LSAMP: variants seen among roughly 807,000 people sequenced by gnomAD.
LSAMP encodes limbic system-associated membrane protein.
In LSAMP, 7 loss-of-function variants were observed where a neutral mutation model predicts 38.6. The ratio of observed to expected loss-of-function variants is 0.18; its 90% CI spans 0.10 to 0.34. The LOEUF (loss-of-function observed/expected upper bound fraction) is 0.34, where lower values mean the gene tolerates loss of function less well. Among genes scored for constraint, LSAMP ranks in the 10% least tolerant of loss-of-function variants. The pLI, the probability that LSAMP is intolerant of heterozygous loss-of-function variation, is 1.00. For synonymous variants in LSAMP, 154 were observed against 166.8 expected, an observed-to-expected ratio of 0.92 and a Z score of 0.59; for missense variants, 313 against 420.0, an observed-to-expected ratio of 0.75 and a Z score of 2.23.
intron 2 of LSAMP, among the ~76,000 whole-genome samples, chr3:116,066,215 A>G (rs1707424090): frequency 6.6e-6 from 1 of 152,166 alleles, no homozygotes; most frequent in South Asian, 2.1e-4. Flanking sequence ...TCTGGGGCCT[A>G]TTTTACAGAG....
intron 1 of LSAMP, among the ~76,000 whole-genome samples, chr3:116,394,308 G>A (rs144250307): frequency 1.3e-5 from 2 of 152,212 alleles, no homozygotes; most frequent in East Asian, 3.9e-4. Context: ...AATGGTTTTT[G>A]ATATAGATAT....
intron 1 of LSAMP, among the ~76,000 whole-genome samples, chr3:116,435,893 C>T (rs987510516): frequency 1.3e-5 from 2 of 151,988 alleles, no homozygotes; most frequent in African/African-American, 4.8e-5. Context: ...AAGAAGGCAG[C>T]AGGTTTAGAA....
At chr3:116,240,040 CATA>C (rs745560463) in intron 1 of LSAMP, among the ~76,000 whole-genome samples, 14 of 152,116 alleles carry the variant, frequency 9.2e-5, no homozygotes, top group Non-Finnish European at 1.8e-4. Flanking sequence ...CACTTAGCAA[CATA>C]ATAATTCTTC....
At chr3:116,412,214 T>C (rs1410773045) in intron 1 of LSAMP, among the ~76,000 whole-genome samples, 2 of 152,056 alleles carry the variant, frequency 1.3e-5, no homozygotes, top group Non-Finnish European at 2.9e-5. Flanking sequence ...ATGATTATTA[T>C]ACCCAATAGC....
chr3:116,035,398 CACTT>C (rs1941024696), intron 2 of LSAMP, among the ~76,000 whole-genome samples: 1 of 152,122 alleles, frequency 6.6e-6, no homozygotes, highest in African/African-American at 2.4e-5. Context: ...AGAAATGTTT[CACTT>C]ACACTGGACA....
intron 3 of LSAMP, among the ~76,000 whole-genome samples, chr3:115,957,421 C>A (rs147630715): frequency 7.2e-5 from 11 of 152,150 alleles, no homozygotes; most frequent in Admixed American, 6.5e-4. Flanking sequence ...AAACTTCATC[C>A]TGACCAGCCT....
intron 1 of LSAMP, among the ~76,000 whole-genome samples, chr3:116,116,053 A>G (rs1388610868): frequency 7.7e-6 from 1 of 130,464 alleles, no homozygotes; most frequent in African/African-American, 3.0e-5. Flanking sequence ...TGTATTTATT[A>G]TTAATTGGAT....
At chr3:116,329,020 T>A (rs1437691668) in intron 1 of LSAMP, among the ~76,000 whole-genome samples, 4 of 152,172 alleles carry the variant, frequency 2.6e-5, no homozygotes, top group Non-Finnish European at 4.4e-5. Context: ...TGTAAAACTT[T>A]ACACAACTCA....
chr3:116,116,029 C>CT (rs1197130574), intron 1 of LSAMP, among the ~76,000 whole-genome samples: 10 of 142,582 alleles, frequency 7.0e-5, no homozygotes, highest in African/African-American at 1.9e-4. Context: ...TTTTTTTTTT[C>CT]TTTTTTTTTC....
At chr3:116,209,174 C>T (rs9990315) in intron 1 of LSAMP, among the ~76,000 whole-genome samples, 76,413 of 151,904 alleles carry the variant, frequency 0.5, 21,527 homozygotes, top group East Asian at 0.74. Flanking sequence ...CAGGTGAGTC[C>T]GTCACCCCTT....
At chr3:116,024,251 C>T (rs1374595648) in intron 2 of LSAMP, among the ~76,000 whole-genome samples, 2 of 152,144 alleles carry the variant, frequency 1.3e-5, no homozygotes, top group Non-Finnish European at 2.9e-5. Flanking sequence ...TCTTACAGAG[C>T]ATGGTGCTTA....
In LSAMP at chr3:116,229,377, T is replaced by A. The variant is rs530741765; in HGVS notation, c.156-142821A>T. Reference sequence around the variant, plus strand: ...TTTAAAAATGTTGATAGGCTAGAGATGAATTTGCTAGTGGATATCATTAAG... The same window carrying A: ...TTTAAAAATGTTGATAGGCTAGAGAAGAATTTGCTAGTGGATATCATTAAG... On this transcript the variant is annotated intron_variant, in intron 1 of 6. Coordinates refer to ENST00000490035, the MANE Select transcript of LSAMP (RefSeq NM_002338.5). Among the ~76,000 whole-genome samples, 4 of 152,276 alleles carry A rather than the reference T, an allele frequency of 2.6e-5. No individual in the cohort carries two copies. The South Asian group carries it at 8.3e-4, about 32-fold the overall frequency.
chr3:115,822,655 C>T (rs765353780), intron 6 of LSAMP, among the ~76,000 whole-genome samples: 16 of 152,136 alleles, frequency 1.1e-4, no homozygotes, highest in South Asian at 2.1e-4. Context: ...CCACTGCCCC[C>T]GGCCTTCCTA....
At chr3:116,307,939 A>T (rs2047504816) in intron 1 of LSAMP, among the ~76,000 whole-genome samples, 1 of 151,854 alleles carries the variant, frequency 6.6e-6, no homozygotes, top group East Asian at 1.9e-4. Flanking sequence ...CTGAGCCTCA[A>T]TTTCCCTATT....
At chr3:115,894,338 C>A (rs1936676256) in intron 3 of LSAMP, among the ~76,000 whole-genome samples, 1 of 151,972 alleles carries the variant, frequency 6.6e-6, no homozygotes, top group African/African-American at 2.4e-5. Context: ...TATTTACATG[C>A]AACACCTAAA....
chr3:116,290,789 A>C (rs2047257190), intron 1 of LSAMP, among the ~76,000 whole-genome samples: 1 of 150,558 alleles, frequency 6.6e-6, no homozygotes, highest in Admixed American at 6.6e-5. Context: ...AAACTTTCCT[A>C]GTTGATCTTT....
chr3:116,378,396 T>C (rs2048518344), intron 1 of LSAMP, among the ~76,000 whole-genome samples: 1 of 152,068 alleles, frequency 6.6e-6, no homozygotes, highest in African/African-American at 2.4e-5. Flanking sequence ...CCTACTCGCC[T>C]GAGGGGCAGT....
At chr3:116,326,728 G>A (rs2047778115) in intron 1 of LSAMP, among the ~76,000 whole-genome samples, 1 of 152,146 alleles carries the variant, frequency 6.6e-6, no homozygotes, top group South Asian at 2.1e-4. Flanking sequence ...TGAGAAAAAT[G>A]TATGTGAAAA....
chr3:115,840,181 G>A (rs1429317697), intron 6 of LSAMP, among the ~76,000 whole-genome samples: 1 of 152,134 alleles, frequency 6.6e-6, no homozygotes, highest in Non-Finnish European at 1.5e-5. Context: ...ATACTTTAAT[G>A]CAAATATGTA....
Sources: gnomAD v4.1 joint callset for allele counts (sites outside exome capture counted in the v4.1 genomes callset) on GRCh38, gnomAD v4.1.1 for gene constraint, MANE v1.5 for transcripts, NCBI Gene and HGNC (gene_info 2026-07-23, HGNC 2026-07-21) for gene names.